LINGO2: variants seen among roughly 807,000 people sequenced by gnomAD.
LINGO2 encodes leucine-rich repeat and immunoglobulin-like domain-containing nogo receptor-interacting protein 2.
A neutral mutation model predicts 30.6 loss-of-function variants in LINGO2; 14 were observed. The observed-to-expected ratio is 0.46, with a 90% CI of 0.30 to 0.72. The LOEUF is 0.72. Ranked by LOEUF, LINGO2 falls within the 30% of genes least tolerant of loss-of-function variation. The pLI, the probability that LINGO2 is intolerant of heterozygous loss-of-function variation, is 0.07. For synonymous variants in LINGO2, 317 were observed against 288.5 expected, an observed-to-expected ratio of 1.10 and a Z score of -1.00; for missense variants, 729 against 751.7, an observed-to-expected ratio of 0.97 and a Z score of 0.35.
At chr9:28,232,781 C>T (rs1369733292) in intron 4 of LINGO2, among the ~76,000 whole-genome samples, 1 of 151,720 alleles carries the variant, frequency 6.6e-6, no homozygotes, top group Non-Finnish European at 1.5e-5. Flanking sequence ...TCCCCATGCC[C>T]TGCCAACCAC....
At chr9:29,097,871 C>G in the LINGO2 span, among the ~76,000 whole-genome samples, 2 of 138,480 alleles carry the variant, frequency 1.4e-5, no homozygotes, top group Non-Finnish European at 3.1e-5. Context: ...AGATACAGGT[C>G]AGGTCAATGC....
chr9:28,663,169 T>C (rs1159877824), intron 1 of LINGO2, among the ~76,000 whole-genome samples: 1 of 152,120 alleles, frequency 6.6e-6, no homozygotes, highest in Admixed American at 6.6e-5. Context: ...AGTTGTATTT[T>C]TTTTTGTTGT....
the LINGO2 span, among the ~76,000 whole-genome samples, chr9:29,075,044 C>A: frequency 6.6e-6 from 1 of 152,198 alleles, no homozygotes; most frequent in Admixed American, 6.5e-5. Flanking sequence ...GTGCTTTCGT[C>A]AACTAGCTGT....
the LINGO2 span, among the ~76,000 whole-genome samples, chr9:29,152,510 C>A: frequency 6.6e-6 from 1 of 152,090 alleles, no homozygotes; most frequent in African/African-American, 2.4e-5. Context: ...TCCTTGGATG[C>A]AACTGGAGGT....
the LINGO2 span, among the ~76,000 whole-genome samples, chr9:29,043,078 G>T: frequency 1.3e-5 from 2 of 151,710 alleles, no homozygotes; most frequent in African/African-American, 4.8e-5. Context: ...ATAATCTCAA[G>T]AAACAGTTTT....
intron 4 of LINGO2, among the ~76,000 whole-genome samples, chr9:28,052,114 T>TA (rs1316064199): frequency 3.9e-5 from 6 of 152,086 alleles, no homozygotes; most frequent in Non-Finnish European, 7.4e-5. Context: ...GTAAGTGGTT[T>TA]CAGATTTAAA....
At chr9:28,806,110 A>G in the LINGO2 span, among the ~76,000 whole-genome samples, 2 of 152,076 alleles carry the variant, frequency 1.3e-5, no homozygotes, top group Non-Finnish European at 2.9e-5. Flanking sequence ...AGGTGAAGAC[A>G]TGACCAGAAT....
intron 4 of LINGO2, among the ~76,000 whole-genome samples, chr9:28,291,510 T>C (rs1314575039): frequency 6.6e-6 from 1 of 152,184 alleles, no homozygotes; most frequent in East Asian, 1.9e-4. Flanking sequence ...TATAGTCTAA[T>C]AGCTGCCAAG....
chr9:29,146,150 G>A, the LINGO2 span, among the ~76,000 whole-genome samples: 1 of 152,120 alleles, frequency 6.6e-6, no homozygotes, highest in East Asian at 1.9e-4. Flanking sequence ...AAATTAAACT[G>A]CAGCTTACCA....
intron 1 of LINGO2, among the ~76,000 whole-genome samples, chr9:28,564,635 T>C (rs1823270670): frequency 6.6e-6 from 1 of 152,106 alleles, no homozygotes; most frequent in Admixed American, 6.6e-5. Flanking sequence ...ATGCCCAAAT[T>C]CTTTATCTTG....
intron 3 of LINGO2, among the ~76,000 whole-genome samples, chr9:28,319,105 GC>G (rs919669060): frequency 6.6e-6 from 1 of 152,096 alleles, no homozygotes; most frequent in African/African-American, 2.4e-5. Flanking sequence ...AGTATGAACT[GC>G]CCAGCAGACA....
At chr9:28,133,846 T>C (rs1827441594) in intron 4 of LINGO2, among the ~76,000 whole-genome samples, 1 of 152,220 alleles carries the variant, frequency 6.6e-6, no homozygotes, top group African/African-American at 2.4e-5. Flanking sequence ...TCCAATTCCA[T>C]GTTTTAAATG....
the LINGO2 span, among the ~76,000 whole-genome samples, chr9:29,088,702 G>C: frequency 6.6e-6 from 1 of 152,106 alleles, no homozygotes; most frequent in Non-Finnish European, 1.5e-5. Context: ...GTGATTCTAA[G>C]ATAATCCTTT....
the LINGO2 span, among the ~76,000 whole-genome samples, chr9:29,055,151 A>G: frequency 0.4 from 60,104 of 151,838 alleles, 12,107 homozygotes; most frequent in East Asian, 0.54. Flanking sequence ...CCCAGGAGGC[A>G]GACGTTGCAG....
chr9:28,430,289 G>T (rs560583135), intron 2 of LINGO2, among the ~76,000 whole-genome samples: 1 of 152,190 alleles, frequency 6.6e-6, no homozygotes, highest in African/African-American at 2.4e-5. Flanking sequence ...TGGGTGAAAG[G>T]TACCAACTTT....
At chr9:28,730,289 C>T in the LINGO2 span, among the ~76,000 whole-genome samples, 5,115 of 152,184 alleles carry the variant, frequency 0.034, 280 homozygotes, top group Admixed American at 0.16. Context: ...AGCAAGCAAT[C>T]CAGATGCAGG....
the LINGO2 span, among the ~76,000 whole-genome samples, chr9:28,978,076 A>G: frequency 5.3e-5 from 8 of 152,298 alleles, no homozygotes; most frequent in East Asian, 1.5e-3. Context: ...ATGTAAAAAA[A>G]TGTTATTTAG....
At chr9:28,983,998 T>C in the LINGO2 span, among the ~76,000 whole-genome samples, 1 of 152,032 alleles carries the variant, frequency 6.6e-6, no homozygotes, top group South Asian at 2.1e-4. Context: ...TATATTCACT[T>C]CTATCTTTGC....
At chr9:28,494,789 C>G (rs1819535026) in intron 1 of LINGO2, among the ~76,000 whole-genome samples, 1 of 152,186 alleles carries the variant, frequency 6.6e-6, no homozygotes, top group East Asian at 1.9e-4. Context: ...TGAGGAATCC[C>G]CACACTGTCT....
Sources: allele counts gnomAD v4.1 joint callset (sites outside exome capture counted in the v4.1 genomes callset), GRCh38; gene constraint gnomAD v4.1.1; transcripts MANE v1.5; gene names NCBI Gene and HGNC (gene_info 2026-07-23, HGNC 2026-07-21).